The following CYB5RL variants were observed in gnomAD, a reference collection of about 807,000 sequenced individuals.
CYB5RL encodes cytochrome b5 reductase like, also known as NADH-cytochrome b5 reductase-like.
Under a neutral mutation model 37.5 loss-of-function variants are expected in CYB5RL, and 38 were observed. The ratio of observed to expected loss-of-function variants is 1.01; its 90% CI spans 0.78 to 1.33. The LOEUF is 1.33. Ranked by LOEUF, CYB5RL falls within the 40% of genes most tolerant of loss-of-function variation. The pLI, the probability that CYB5RL is intolerant of heterozygous loss-of-function variation, is 0.00. For synonymous variants in CYB5RL, 141 were observed against 151.9 expected (o/e 0.93, Z 0.53); for missense variants, 388 against 394.4 (o/e 0.98, Z 0.14).
intron 6 of CYB5RL, among the ~76,000 whole-genome samples, chr1:54,181,829 T>C (rs779383862): frequency 6.6e-6 from 1 of 152,220 alleles, no homozygotes; most frequent in Non-Finnish European, 1.5e-5. Flanking sequence ...GATACACGCC[T>C]GTAGTCCCAG....
chr1:54,183,205 G>A (rs1486525837), intron 6 of CYB5RL, among the ~76,000 whole-genome samples: 1 of 152,122 alleles, frequency 6.6e-6, no homozygotes, highest in African/African-American at 2.4e-5. Flanking sequence ...ATTCTATCAA[G>A]TACCTGTAGC....
intron 1 of CYB5RL, among the ~76,000 whole-genome samples, chr1:54,198,100 C>T (rs925369774): frequency 4.0e-5 from 6 of 150,296 alleles, no homozygotes; most frequent in Non-Finnish European, 7.4e-5. Context: ...CAAGCACAGC[C>T]GGGCATATGG....
chr1:54,179,298 T>C lies in CYB5RL; in HGVS notation c.595A>G (p.Ile199Val), dbSNP rs1325285787. 11 of 1,613,716 alleles carry C rather than the reference T, an allele frequency of 6.8e-6. No individual in the cohort carries two copies. The highest frequency in any genetic ancestry group is 9.3e-6 in the Non-Finnish European group (11 of 1,179,860). The change falls in exon 7 of 8, where the codon ATC becomes GTC. Residue 199 changes from isoleucine to valine, a missense_variant. Physicochemically the swap from Ile to Val is conservative, Grantham distance 29. Transcript: ENST00000534324. Reference protein sequence around the residue: ...AGTGLAPMVPILQSITDNEND... With the variant: ...AGTGLAPMVPVLQSITDNEND... The stretch of plus-strand genomic sequence containing the variant: ...TCATTGTCTGTGATGCTCTGCAGGA[T>C]AGGCACCATGGGGGCCAGGCCCGTG...
chr1:54,178,478 T>C (rs1187813874), intron 7 of CYB5RL, among the ~76,000 whole-genome samples: 1 of 152,114 alleles, frequency 6.6e-6, no homozygotes, highest in Non-Finnish European at 1.5e-5. Context: ...CAATCCCCCA[T>C]GCTCTAACCT....
At position 54,171,287 on chromosome 1, in the gene CYB5RL, G is replaced by C. The variant is rs529569096; in HGVS notation, c.*3332C>G. ...CATGTTTGGAGCCTGAGAGGTGGGTGTGAGTGGGCGGTGGCATACAAAAAG... is the reference window on the plus strand; with the variant it reads ...CATGTTTGGAGCCTGAGAGGTGGGTCTGAGTGGGCGGTGGCATACAAAAAG... On this transcript the variant is annotated 3_prime_UTR_variant, in exon 8 of 8. Transcript: ENST00000534324. 4.6e-5 allele frequency: 21 copies of C among 456,444 alleles called. No homozygotes were observed. The highest frequency in any genetic ancestry group is 4.2e-4 in the African/African-American group (21 of 50,190). The allele number at this position is 456,444 out of a possible 1,614,324, so 28.3% of individuals were successfully genotyped here.
chr1:54,178,408 A>T (rs780406632), intron 7 of CYB5RL, among the ~76,000 whole-genome samples: 7 of 152,130 alleles, frequency 4.6e-5, no homozygotes, highest in Non-Finnish European at 7.4e-5. Flanking sequence ...TGAAGCTACC[A>T]ACCAGGGAAA....
At chr1:54,198,583 G>A (rs938781595) in intron 1 of CYB5RL, among the ~76,000 whole-genome samples, 4 of 150,528 alleles carry the variant, frequency 2.7e-5, no homozygotes, top group South Asian at 4.2e-4. Flanking sequence ...CACCTGCCTC[G>A]GCCTCCCAAA....
chr1:54,197,317 C>T (rs78913701), intron 1 of CYB5RL, among the ~76,000 whole-genome samples: 25,400 of 123,342 alleles, frequency 0.21, 3,286 homozygotes, highest in East Asian at 0.43. Context: ...CTTTTCTTTT[C>T]TTTTTTTTTT....
At position 54,171,294 on chromosome 1, in the gene CYB5RL, G is replaced by A. The variant is rs773012769; in HGVS notation, c.*3325C>T. 1 of 456,268 alleles carries A rather than the reference G, an allele frequency of 2.2e-6. No homozygotes were observed. The highest frequency in any genetic ancestry group is 4.4e-6 in the Non-Finnish European group (1 of 226,838). The allele number at this position is 456,268 out of a possible 1,614,324, so 28.3% of individuals were successfully genotyped here. On this transcript the variant is annotated 3_prime_UTR_variant, in exon 8 of 8. Transcript: ENST00000534324. ...GGAGCCTGAGAGGTGGGTGTGAGTG[G>A]GCGGTGGCATACAAAAAGTCTGGAG...
Position 54,171,052 on chromosome 1 carries a change from T to C in CYB5RL, c.*3567A>G. On this transcript the variant is annotated 3_prime_UTR_variant, in exon 8 of 8. Transcript: ENST00000534324. ...CTCATGCTCACATGCAGATGACACT[T>C]ATGGGTACAGCGACAGAAAAGCACA... 4.5e-6 allele frequency: 2 copies of C among 440,468 alleles called. No individual in the cohort carries two copies. Among genetic ancestry groups the C allele is most frequent in the South Asian group, 3.2e-5 (2 of 61,792 alleles). The allele number at this position is 440,468 out of a possible 1,614,324, so 27.3% of individuals were successfully genotyped here.
intron 6 of CYB5RL, chr1:54,180,022 G>A (rs1351738132): frequency 2.2e-6 from 1 of 452,764 alleles, no homozygotes; most frequent in African/African-American, 2.0e-5. Flanking sequence ...AAGGTGGGCG[G>A]ATCACTTAAG....
chr1:54,170,107 A>G lies in CYB5RL; in HGVS notation c.*4512T>C, dbSNP rs1311912495. The G allele has an allele frequency of 6.6e-6, 1 of 152,202 alleles. No homozygotes were observed. Among genetic ancestry groups the G allele is most frequent in the East Asian group, 1.9e-4 (1 of 5,202 alleles). The allele number at this position is 152,202 out of a possible 1,614,324, so 9.4% of individuals were successfully genotyped here. A position where few individuals can be genotyped will look rare whatever the true frequency, so the allele number is the denominator to read the frequency against. On this transcript the variant is annotated 3_prime_UTR_variant, in exon 8 of 8. Coordinates refer to ENST00000534324, the MANE Select transcript of CYB5RL (RefSeq NM_001031672.4). ...TATTTCAGAGAATGCAGCAATAAAA[A>G]TCTTTTTTTGGGGGGCACTGAGTCT... is the stretch of plus-strand genomic sequence containing the variant.
chr1:54,179,318 C>A lies in CYB5RL; in HGVS notation c.575G>T (p.Gly192Val). Residue 192 changes from glycine to valine, a missense_variant, in exon 7 of 8, where the codon GGC (glycine) becomes GTC (valine). Transcript: ENST00000534324. ...GELLLLAAGT[G>V]LAPMVPILQS... ...CAGGATAGGCACCATGGGGGCCAGGCCCGTGCCCGCAGCCAGCAAGAGGAG... is the reference window on the plus strand; with the variant it reads ...CAGGATAGGCACCATGGGGGCCAGGACCGTGCCCGCAGCCAGCAAGAGGAG... 3 of 1,613,574 alleles carry A rather than the reference C, an allele frequency of 1.9e-6. No individual in the cohort carries two copies. Among genetic ancestry groups the A allele is most frequent in the South Asian group, 2.2e-5 (2 of 91,006 alleles).
At chr1:54,178,091 T>C (rs1213006067) in intron 7 of CYB5RL, among the ~76,000 whole-genome samples, 1 of 152,196 alleles carries the variant, frequency 6.6e-6, no homozygotes, top group Non-Finnish European at 1.5e-5. Context: ...TCCGCTGCTA[T>C]AAATGTTCAC....
intron 7 of CYB5RL, among the ~76,000 whole-genome samples, chr1:54,177,354 G>T (rs1333731122): frequency 1.3e-5 from 2 of 152,248 alleles, no homozygotes; most frequent in East Asian, 3.9e-4. Flanking sequence ...CAGCCCACTC[G>T]CTTGCCCAAC....
intron 7 of CYB5RL, 67 bp from the exon 8 acceptor site, chr1:54,174,889 G>T: frequency 1.3e-6 from 2 of 1,514,284 alleles, no homozygotes; most frequent in Middle Eastern, 1.9e-4. Context: ...CACACAGCCA[G>T]CTCTCCTCTG....
Position 54,179,283 on chromosome 1 carries a change from T to C in CYB5RL, c.610A>G (p.Thr204Ala). 1 of 1,613,902 alleles carries C rather than the reference T, an allele frequency of 6.2e-7. No homozygotes were observed. The highest frequency in any genetic ancestry group is 1.1e-5 in the South Asian group (1 of 91,030). ...APMVPILQSI[T>A]DNENDETFVT... ...AAAGTCTCGTCATTCTCATTGTCTG[T>C]GATGCTCTGCAGGATAGGCACCATG... is the stretch of plus-strand genomic sequence containing the variant. The change falls in exon 7 of 8, where the codon ACA becomes GCA. Residue 204 changes from threonine to alanine, a missense_variant. Coordinates refer to ENST00000534324, the MANE Select transcript of CYB5RL (RefSeq NM_001031672.4).
chr1:54,183,765 T>G (rs1660221411), intron 6 of CYB5RL, among the ~76,000 whole-genome samples: 1 of 152,072 alleles, frequency 6.6e-6, no homozygotes. Context: ...CACCTGAGGT[T>G]GGGAGTTCAT....
In CYB5RL at chr1:54,174,652, T is replaced by C. The variant is rs774845290; in HGVS notation, c.915A>G (p.Ala305=). Residue 305 remains alanine, a synonymous_variant, in exon 8 of 8, where the codon GCA becomes GCG. Transcript: ENST00000534324. ...TKDIARCLLC[A]GLTEDSYFLF ...GGAAATAGGAGTCCTCAGTGAGGCC[T>C]GCGCACAGTAAGCACCTGGCTATGT... 27 of 1,612,430 alleles carry C rather than the reference T, an allele frequency of 1.7e-5. No individual in the cohort carries two copies. The highest frequency in any genetic ancestry group is 2.2e-5 in the East Asian group (1 of 44,854).
Sources: gnomAD v4.1 joint callset for allele counts (sites outside exome capture counted in the v4.1 genomes callset) on GRCh38, gnomAD v4.1.1 for gene constraint, MANE v1.5 for transcripts, NCBI Gene and HGNC (gene_info 2026-07-23, HGNC 2026-07-21) for gene names.